FBXO11: variants seen among roughly 807,000 people sequenced by gnomAD.
FBXO11 encodes F-box protein 11.
FBXO11 carries 13 observed loss-of-function variants against 117.0 expected under a neutral mutation model. That is an observed-to-expected ratio of 0.11 (90% CI 0.07 to 0.18). The LOEUF (loss-of-function observed/expected upper bound fraction) is 0.18, where lower values mean the gene tolerates loss of function less well. FBXO11 is among the 10% of genes least tolerant of loss of function. The pLI is 1.00. For missense variants in FBXO11, 767 were observed against 1,164.4 expected (o/e 0.66, Z 4.97); for synonymous variants, 490 against 380.5 (o/e 1.29, Z -3.35).
chr2:47,886,209 T>C lies in FBXO11; in HGVS notation c.232+19280A>G, dbSNP rs188324491. On this transcript the variant is annotated intron_variant, in intron 1 of 22. Coordinates refer to ENST00000403359, the MANE Select transcript of FBXO11 (RefSeq NM_001190274.2). The stretch of plus-strand genomic sequence containing the variant: ...AACCCTTTGACCCAATAACCCACTT[T>C]TAAAAAGTGAACCTTTCGCCAGGCA... 1.4e-3 allele frequency among the ~76,000 whole-genome samples: 217 copies of C among 152,222 alleles called. 1 individual carries two copies. Among genetic ancestry groups the C allele is most frequent in the Middle Eastern group, 6.8e-3 (2 of 294 alleles).
chr2:47,853,843 TA>T (rs1176760837), intron 1 of FBXO11, among the ~76,000 whole-genome samples: 4 of 152,282 alleles, frequency 2.6e-5, no homozygotes, highest in South Asian at 4.1e-4. Context: ...CCTGGAGGCT[TA>T]AAAAAAGTTA....
Position 47,836,071 on chromosome 2 carries a change from A to G in FBXO11, c.588-70T>C, listed in dbSNP as rs1303950208. 3.4e-5 allele frequency: 40 copies of G among 1,166,338 alleles called. No homozygotes were observed. The East Asian group carries it at 4.7e-4, about 14-fold the overall frequency. The allele number at this position is 1,166,338 out of a possible 1,614,324, so 72.2% of individuals were successfully genotyped here. On this transcript the variant is annotated intron_variant, in intron 4 of 22. Transcript: ENST00000403359. ...TAGATTAATACAGTTTTGAACAACT[A>G]TAACAATTATTTGAGGCCTCAAAAA... is the stretch of plus-strand genomic sequence containing the variant.
chr2:47,857,626 T>G (rs373530108), intron 1 of FBXO11, among the ~76,000 whole-genome samples: 40 of 152,192 alleles, frequency 2.6e-4, no homozygotes, highest in African/African-American at 9.2e-4. Flanking sequence ...AGGGGTAAGA[T>G]AAGGACAGAC....
intron 16 of FBXO11, among the ~76,000 whole-genome samples, chr2:47,815,322 G>A (rs961511007): frequency 6.6e-6 from 1 of 152,226 alleles, no homozygotes; most frequent in African/African-American, 2.4e-5. Context: ...TCCCCCTCGG[G>A]AATGAGGATC....
intron 1 of FBXO11, among the ~76,000 whole-genome samples, chr2:47,870,256 GCTT>G (rs1244847210): frequency 1.3e-5 from 2 of 152,066 alleles, no homozygotes; most frequent in African/African-American, 4.8e-5. Context: ...ATCTCATTCT[GCTT>G]CTTAAGTTTT....
At chr2:47,870,093 G>C (rs1268668487) in intron 1 of FBXO11, among the ~76,000 whole-genome samples, 2 of 152,176 alleles carry the variant, frequency 1.3e-5, no homozygotes, top group Non-Finnish European at 2.9e-5. Context: ...AAGCAAGAAG[G>C]AATTCTCCAG....
chr2:47,838,815 C>A (rs1395664622), intron 4 of FBXO11, 44 bp downstream of exon 4: 1 of 1,576,524 alleles, frequency 6.3e-7, no homozygotes, highest in Non-Finnish European at 8.7e-7. Context: ...TTTTGGGCAA[C>A]AAATAACATA....
chr2:47,818,756 T>G, intron 16 of FBXO11, 23 bp downstream of exon 16: 1 of 1,546,988 alleles, frequency 6.5e-7, no homozygotes, highest in Non-Finnish European at 8.7e-7. Flanking sequence ...TCCCAAAAGA[T>G]AGCCAAATAT....
intron 4 of FBXO11, among the ~76,000 whole-genome samples, chr2:47,836,732 A>G (rs546063773): frequency 6.6e-6 from 1 of 152,332 alleles, no homozygotes; most frequent in South Asian, 2.1e-4. Context: ...AAGGGGAAAA[A>G]AAGTTATCCT....
chr2:47,819,679 A>C (rs527346332), intron 14 of FBXO11, among the ~76,000 whole-genome samples: 1 of 152,280 alleles, frequency 6.6e-6, no homozygotes, highest in East Asian at 1.9e-4. Flanking sequence ...CAAACTGACG[A>C]CCTCTCATTT....
intron 1 of FBXO11, among the ~76,000 whole-genome samples, chr2:47,857,538 G>GA (rs1185574733): frequency 1.3e-5 from 2 of 152,138 alleles, no homozygotes; most frequent in Non-Finnish European, 2.9e-5. Context: ...CAGTACAACT[G>GA]ATCTACATAG....
At chr2:47,883,536 G>T in intron 1 of FBXO11, 1 of 378,832 alleles carries the variant, frequency 2.6e-6, no homozygotes, top group South Asian at 2.2e-5. Context: ...AAATGTAAAG[G>T]CCAAGATCCA....
At chr2:47,828,611 A>G (rs1671944036) in intron 11 of FBXO11, among the ~76,000 whole-genome samples, 1 of 130,026 alleles carries the variant, frequency 7.7e-6, no homozygotes, top group Admixed American at 7.4e-5. Context: ...TCTTGTCTCA[A>G]AAAAAAAAAA....
intron 1 of FBXO11, among the ~76,000 whole-genome samples, chr2:47,858,138 C>T (rs1336342302): frequency 2.0e-5 from 3 of 151,906 alleles, no homozygotes; most frequent in Admixed American, 1.3e-4. Context: ...CGGAGCCTCA[C>T]TCTGTTGCTC....
chr2:47,904,605 C>T (rs1386563355), intron 1 of FBXO11, among the ~76,000 whole-genome samples: 1 of 151,230 alleles, frequency 6.6e-6, no homozygotes, highest in Non-Finnish European at 1.5e-5. Context: ...CACACACACA[C>T]ACACACACAC....
At position 47,834,188 on chromosome 2, in the gene FBXO11, A is replaced by T. The variant is rs578202633; in HGVS notation, c.934+391T>A. On this transcript the variant is annotated intron_variant, in intron 7 of 22. Transcript: ENST00000403359. Reference sequence around the variant, plus strand: ...AACATGGCGAAACCCTATCTCTGCTAAAAATACAAAAATTAGCCACGCATG... The same window carrying T: ...AACATGGCGAAACCCTATCTCTGCTTAAAATACAAAAATTAGCCACGCATG... Among the ~76,000 whole-genome samples, 3 of 152,226 alleles carry T rather than the reference A, an allele frequency of 2.0e-5. No individual in the cohort carries two copies. In the East Asian group the frequency reaches 5.8e-4, roughly 29 times the overall value.
chr2:47,815,670 G>A (rs925036081), intron 16 of FBXO11, among the ~76,000 whole-genome samples: 2 of 152,218 alleles, frequency 1.3e-5, no homozygotes, highest in South Asian at 2.1e-4. Context: ...GCAAAGCCTG[G>A]TTGAAATTGG....
chr2:47,902,289 T>G (rs879571461), intron 1 of FBXO11, among the ~76,000 whole-genome samples: 2 of 152,142 alleles, frequency 1.3e-5, no homozygotes, highest in Non-Finnish European at 2.9e-5. Flanking sequence ...TTTAAGAAAT[T>G]AAAAAAGCTA....
chr2:47,878,248 G>C (rs750733460), intron 1 of FBXO11, among the ~76,000 whole-genome samples: 2 of 152,142 alleles, frequency 1.3e-5, no homozygotes, highest in Non-Finnish European at 2.9e-5. Flanking sequence ...ATACAGTAGA[G>C]TTTTGGTCTC....
Sources: gnomAD v4.1 joint callset for allele counts (sites outside exome capture counted in the v4.1 genomes callset) on GRCh38, gnomAD v4.1.1 for gene constraint, MANE v1.5 for transcripts, NCBI Gene and HGNC (gene_info 2026-07-23, HGNC 2026-07-21) for gene names.